Variants in SCMH1 observed in about 807,000 individuals in gnomAD.
The protein encoded by SCMH1 is polycomb protein SCMH1.
A neutral mutation model predicts 70.8 loss-of-function variants in SCMH1; 37 were observed. The ratio of observed to expected loss-of-function variants is 0.52; its 90% CI spans 0.40 to 0.69. SCMH1 has a LOEUF of 0.69. Among genes scored for constraint, SCMH1 ranks in the 30% least tolerant of loss-of-function variants. The pLI, the probability that SCMH1 is intolerant of heterozygous loss-of-function variation, is 0.00. For missense variants in SCMH1, 607 were observed against 827.3 expected, an observed-to-expected ratio of 0.73 and a Z score of 3.27; for synonymous variants, 292 against 307.4, an observed-to-expected ratio of 0.95 and a Z score of 0.52.
intron 6 of SCMH1, among the ~76,000 whole-genome samples, chr1:41,124,263 G>A (rs1672639670): frequency 6.6e-6 from 1 of 151,908 alleles, no homozygotes; most frequent in Admixed American, 6.6e-5. Context: ...AAATATATCA[G>A]TATATTTGAA....
rs1650021451 is a variant in SCMH1, at chr1:41,055,715, G to A, written c.1106-6825C>T. 3.9e-5 allele frequency among the ~76,000 whole-genome samples: 6 copies of A among 152,146 alleles called. No individual in the cohort carries two copies. The South Asian group carries it at 1.0e-3, about 26-fold the overall frequency. On this transcript the variant is annotated intron_variant, in intron 10 of 14. Transcript: ENST00000337495. ...AGAAAGCATCTATAAATGTTACCTC[G>A]TGTCTGTTGCACCACTGTGTGTTAG...
chr1:41,108,053 T>A (rs912612463), intron 8 of SCMH1, among the ~76,000 whole-genome samples: 1 of 152,096 alleles, frequency 6.6e-6, no homozygotes, highest in Admixed American at 6.5e-5. Flanking sequence ...ATTTTGAAAT[T>A]TTTGCTTTGT....
At chr1:41,226,930 A>T (rs151266610) in intron 1 of SCMH1, among the ~76,000 whole-genome samples, 3 of 152,344 alleles carry the variant, frequency 2.0e-5, no homozygotes, top group Non-Finnish European at 4.4e-5. Flanking sequence ...TTCTAGGCAG[A>T]GGGAACAATC....
chr1:41,125,308 C>T (rs1046355990), intron 6 of SCMH1, among the ~76,000 whole-genome samples: 2 of 152,060 alleles, frequency 1.3e-5, no homozygotes, highest in African/African-American at 2.4e-5. Context: ...CTAGACTTCC[C>T]GGGCTCAGCT....
intron 8 of SCMH1, among the ~76,000 whole-genome samples, chr1:41,077,140 G>A (rs1658531552): frequency 6.6e-6 from 1 of 152,130 alleles, no homozygotes; most frequent in African/African-American, 2.4e-5. Flanking sequence ...ACACCACAGA[G>A]CTGTCATGAG....
At chr1:41,170,157 G>A (rs1557725991) in intron 2 of SCMH1, among the ~76,000 whole-genome samples, 2 of 152,090 alleles carry the variant, frequency 1.3e-5, no homozygotes, top group Non-Finnish European at 2.9e-5. Flanking sequence ...ATCTAACTGC[G>A]GCTTTTTTCC....
rs929713550 is a variant in SCMH1 at position 41,136,518 on chromosome 1, C to G, written c.412+6360G>C. On this transcript the variant is annotated intron_variant, in intron 6 of 14. Coordinates refer to ENST00000337495, the Ensembl canonical transcript of SCMH1. ...CCTCCTGAGTAGCTGGGACTACAGGCATGCACCACCGTGCCCAGCTAATTT... is the reference window on the plus strand; with the variant it reads ...CCTCCTGAGTAGCTGGGACTACAGGGATGCACCACCGTGCCCAGCTAATTT... Among the ~76,000 whole-genome samples, 3 of 151,778 alleles carry G rather than the reference C, an allele frequency of 2.0e-5. No individual in the cohort carries two copies. The South Asian group carries it at 6.2e-4, about 32-fold the overall frequency.
chr1:41,177,774 A>G (rs7544080), intron 2 of SCMH1, among the ~76,000 whole-genome samples: 71,095 of 152,022 alleles, frequency 0.47, 18,411 homozygotes, highest in Admixed American at 0.6. Flanking sequence ...TGGTGTACCT[A>G]AAAGTGATGG....
intron 10 of SCMH1, among the ~76,000 whole-genome samples, chr1:41,069,540 G>A (rs1201776820): frequency 6.6e-6 from 1 of 152,062 alleles, no homozygotes; most frequent in Non-Finnish European, 1.5e-5. Context: ...CTTTTAAAAA[G>A]TTCTCTACAG....
chr1:41,107,574 C>T (rs1169959003), intron 8 of SCMH1, among the ~76,000 whole-genome samples: 1 of 151,996 alleles, frequency 6.6e-6, no homozygotes, highest in African/African-American at 2.4e-5. Flanking sequence ...GGCTGGAGTG[C>T]AGTGGCATGA....
chr1:41,133,052 A>G (rs546527619), intron 6 of SCMH1, among the ~76,000 whole-genome samples: 1 of 152,226 alleles, frequency 6.6e-6, no homozygotes, highest in South Asian at 2.1e-4. Flanking sequence ...TATGAAATTT[A>G]AAGTAGTTTT....
chr1:41,060,764 C>T (rs1652343601), intron 10 of SCMH1, among the ~76,000 whole-genome samples: 1 of 152,142 alleles, frequency 6.6e-6, no homozygotes, highest in South Asian at 2.1e-4. Context: ...CCTGCCTCAG[C>T]CTCCTGAGTA....
intron 12 of SCMH1, among the ~76,000 whole-genome samples, chr1:41,040,929 C>T (rs997846374): frequency 2.0e-5 from 3 of 151,922 alleles, no homozygotes; most frequent in African/African-American, 7.3e-5. Flanking sequence ...GGCATTTTAG[C>T]AATCAGAACT....
Position 41,113,545 on chromosome 1 carries a change from CAT to C in SCMH1, c.502-21_502-20del. The C allele has an allele frequency of 1.9e-6, 3 of 1,606,254 alleles. No individual in the cohort carries two copies. Among genetic ancestry groups the C allele is most frequent in the South Asian group, 1.1e-5 (1 of 89,822 alleles). On this transcript the variant is annotated intron_variant, in intron 7 of 14. Transcript: ENST00000337495. This position sits in a 1 kb window ranked among gnomAD's most constrained non-coding sequence, Gnocchi z 4.3. The stretch of plus-strand genomic sequence containing the variant: ...GTGGCTCCTAGATGAGAAACAGAAA[CAT>C]ACACACCTAGACACAAAGAGAGGCC...
chr1:41,099,055 G>T, intron 8 of SCMH1: 2 of 247,914 alleles, frequency 8.1e-6, no homozygotes, highest in South Asian at 6.1e-5. Context: ...TCAGGCCTGA[G>T]GGAGAGAAGA....
intron 10 of SCMH1, among the ~76,000 whole-genome samples, chr1:41,060,481 A>G (rs902106143): frequency 1.3e-5 from 2 of 152,018 alleles, no homozygotes; most frequent in South Asian, 4.1e-4. Context: ...AAAAAGAAAA[A>G]TTGAGGGAGT....
intron 6 of SCMH1, among the ~76,000 whole-genome samples, chr1:41,137,565 T>A (rs1643550949): frequency 6.6e-6 from 1 of 152,230 alleles, no homozygotes. Context: ...CATTAGTACA[T>A]TTGTCTGCAT....
intron 12 of SCMH1, among the ~76,000 whole-genome samples, chr1:41,038,232 CT>C (rs1412479576): frequency 2.6e-5 from 4 of 152,200 alleles, no homozygotes; most frequent in Non-Finnish European, 5.9e-5. Context: ...CTATGAAAGT[CT>C]TTCCTTGTAA....
chr1:41,040,981 T>C (rs1646079381), intron 12 of SCMH1, among the ~76,000 whole-genome samples: 1 of 152,080 alleles, frequency 6.6e-6, no homozygotes, highest in South Asian at 2.1e-4. Flanking sequence ...AGAGAACCTG[T>C]CATCAGGAAT....
Sources: allele counts gnomAD v4.1 joint callset (sites outside exome capture counted in the v4.1 genomes callset), GRCh38; gene constraint gnomAD v4.1.1; non-coding constraint Gnocchi (gnomAD v3.1); transcripts MANE v1.5; gene names NCBI Gene and HGNC (gene_info 2026-07-23, HGNC 2026-07-21).